MMD2: variants seen among roughly 807,000 people sequenced by gnomAD.
The protein encoded by MMD2 is monocyte to macrophage differentiation factor 2.
A neutral mutation model predicts 33.5 loss-of-function variants in MMD2; 30 were observed. That is an observed-to-expected ratio of 0.90 (90% CI 0.67 to 1.22). MMD2 has a LOEUF of 1.22. Among genes scored for constraint, MMD2 ranks in the 50% most tolerant of loss-of-function variants. MMD2 has a pLI of 0.00. For synonymous variants in MMD2, 129 were observed against 123.0 expected (o/e 1.05, Z -0.32); for missense variants, 364 against 325.4 (o/e 1.12, Z -0.91).
rs190128053 is a variant in MMD2, at chr7:4,917,896, T to G, written c.291-1817A>C. Among the ~76,000 whole-genome samples, 158 of 151,968 alleles carry G rather than the reference T, an allele frequency of 1.0e-3. 1 individual carries two copies. The highest frequency in any genetic ancestry group is 3.3e-3 in the African/African-American group (136 of 41,418). On this transcript the variant is annotated intron_variant, in intron 3 of 6. Coordinates refer to ENST00000401401, the MANE Select transcript of MMD2 (RefSeq NM_198403.4). ...CCCTCCCAAAACAAATAAGGTAAAC[T>G]CAGGGAACAAATAGGACATTGCAGA...
chr7:4,900,008 C>T, the MMD2 span, among the ~76,000 whole-genome samples: 10 of 152,178 alleles, frequency 6.6e-5, no homozygotes, highest in East Asian at 1.7e-3. Flanking sequence ...TCTCCACTGT[C>T]TGAGCAACCT....
chr7:4,934,371 T>G (rs1785679859), intron 1 of MMD2, among the ~76,000 whole-genome samples: 1 of 152,230 alleles, frequency 6.6e-6, no homozygotes, highest in Non-Finnish European at 1.5e-5. Flanking sequence ...CCCAGAGTGC[T>G]GGGTTACAGG....
At chr7:4,933,825 C>G (rs1032180376) in intron 1 of MMD2, among the ~76,000 whole-genome samples, 2 of 151,604 alleles carry the variant, frequency 1.3e-5, no homozygotes, top group Non-Finnish European at 2.9e-5. Flanking sequence ...TAGAGACAGG[C>G]TCTTGATATG....
intron 1 of MMD2, among the ~76,000 whole-genome samples, chr7:4,957,163 CAAAA>C (rs72291506): frequency 7.2e-6 from 1 of 138,364 alleles, no homozygotes; most frequent in African/African-American, 2.6e-5. Flanking sequence ...GAGACTGTCT[CAAAA>C]AAAAAAATAT....
At chr7:4,925,223 G>A (rs1033705854) in intron 2 of MMD2, among the ~76,000 whole-genome samples, 5 of 152,098 alleles carry the variant, frequency 3.3e-5, no homozygotes, top group Non-Finnish European at 5.9e-5. Context: ...GAGCCACCAT[G>A]CTCGGCCCCA....
Position 4,920,179 on chromosome 7 carries a change from G to A in MMD2, c.282C>T (p.Ser94=). The A allele has an allele frequency of 1.3e-6, 2 of 1,561,662 alleles. No individual in the cohort carries two copies. The highest frequency in any genetic ancestry group is 1.7e-6 in the Non-Finnish European group (2 of 1,153,372). Residue 94 remains serine, a synonymous_variant, in exon 3 of 7, where the codon AGC becomes AGT. Transcript: ENST00000401401. The stretch of plus-strand genomic sequence containing the variant: ...CTCTGGGCGGGAGGCACCTGAGGTG[G>A]CTCTTCTTCCAGGAGATGGTGTGAA... ...TVFHTISWKK[S]HLRMVEHCLH... is the part of the protein sequence containing the mutation.
Position 4,959,029 on chromosome 7 carries a change from C to T in MMD2, c.-12G>A. ...CGGGGGGCGAACATCGCGGCGCTTC[C>T]ATGGGAATCTGGCCCCGGGCTCAGA... On this transcript the variant is annotated 5_prime_UTR_variant, in exon 1 of 7. The change abolishes an upstream ATG in the 5' untranslated region. Coordinates refer to ENST00000401401, the MANE Select transcript of MMD2 (RefSeq NM_198403.4). 1 of 1,264,394 alleles carries T rather than the reference C, an allele frequency of 7.9e-7. No homozygotes were observed. The highest frequency in any genetic ancestry group is 1.0e-6 in the Non-Finnish European group (1 of 996,800). 78.3% of individuals were successfully genotyped at this position (1,264,394 alleles called of 1,614,324 possible). A position where few individuals can be genotyped will look rare whatever the true frequency, so the allele number is the denominator to read the frequency against.
intron 3 of MMD2, 22 bp from the exon 4 acceptor site, chr7:4,916,101 C>T: frequency 6.2e-7 from 1 of 1,611,422 alleles, no homozygotes; most frequent in Non-Finnish European, 8.5e-7. Flanking sequence ...GAGAAGCCGG[C>T]AGTCACAGCC....
downstream of MMD2, among the ~76,000 whole-genome samples, chr7:4,903,989 G>C (rs2074863374): frequency 6.6e-6 from 1 of 152,170 alleles, no homozygotes; most frequent in Admixed American, 6.5e-5. Flanking sequence ...CTGGAGTGCA[G>C]TGGTGCAATC....
intron 1 of MMD2, among the ~76,000 whole-genome samples, chr7:4,945,203 C>CTTCTTCTTCTTCTTCTTCTTCTTCTTCTT (rs1786032385): frequency 5.1e-5 from 7 of 138,454 alleles, no homozygotes; most frequent in African/African-American, 1.6e-4. Context: ...TCTTCTTCTT[C>CTTCTTCTTCTTCTTCTTCTTCTTCTTCTT]TTCTTCTTCT....
In MMD2 at chr7:4,915,921, A is replaced by T; in HGVS notation, c.365+84T>A. Reference sequence around the variant, plus strand: ...TAACTCCTTTGTGCCAAGTCAACACATTACCCAGCCAAATAGAAAAATAAA... The same window carrying T: ...TAACTCCTTTGTGCCAAGTCAACACTTTACCCAGCCAAATAGAAAAATAAA... On this transcript the variant is annotated intron_variant, in intron 4 of 6. Coordinates refer to ENST00000401401, the MANE Select transcript of MMD2 (RefSeq NM_198403.4). The T allele has an allele frequency of 3.5e-6, 5 of 1,412,398 alleles. No homozygotes were observed. The Admixed American group carries it at 5.6e-5, about 16-fold the overall frequency. The allele number at this position is 1,412,398 out of a possible 1,614,324, so 87.5% of individuals were successfully genotyped here.
At chr7:4,930,802 C>A (rs746144157) in intron 1 of MMD2, among the ~76,000 whole-genome samples, 2 of 152,108 alleles carry the variant, frequency 1.3e-5, no homozygotes, top group Non-Finnish European at 2.9e-5. Flanking sequence ...GTGATTCCAG[C>A]CCTCGGACAA....
chr7:4,894,558 G>A, the MMD2 span, among the ~76,000 whole-genome samples: 1 of 151,984 alleles, frequency 6.6e-6, no homozygotes, highest in Non-Finnish European at 1.5e-5. The surrounding 1 kb of genome is among the most constrained non-coding windows in gnomAD (Gnocchi z 4.3). Flanking sequence ...AATCACCCCA[G>A]GGCCAGGTAC....
At chr7:4,955,860 C>G (rs1179817070) in intron 1 of MMD2, among the ~76,000 whole-genome samples, 1 of 152,152 alleles carries the variant, frequency 6.6e-6, no homozygotes, top group Non-Finnish European at 1.5e-5. Context: ...CGAGACCAGC[C>G]TGGCCAATAT....
At chr7:4,924,064 C>T (rs561833781) in intron 2 of MMD2, among the ~76,000 whole-genome samples, 28 of 152,152 alleles carry the variant, frequency 1.8e-4, no homozygotes, top group Middle Eastern at 3.4e-3. Flanking sequence ...TGGTGGCGGG[C>T]GCCTGTAGTC....
chr7:4,893,889 T>C, the MMD2 span, among the ~76,000 whole-genome samples: 8 of 152,136 alleles, frequency 5.3e-5, no homozygotes, highest in Non-Finnish European at 1.2e-4. Flanking sequence ...TTATAATTAG[T>C]GTAAGCATTG....
chr7:4,935,429 A>G (rs1448170966), intron 1 of MMD2, among the ~76,000 whole-genome samples: 1 of 152,068 alleles, frequency 6.6e-6, no homozygotes, highest in Non-Finnish European at 1.5e-5. Flanking sequence ...AAGCCTGGAT[A>G]TTGGCATGCT....
the MMD2 span, among the ~76,000 whole-genome samples, chr7:4,895,971 C>T: frequency 3.9e-5 from 6 of 152,260 alleles, no homozygotes; most frequent in East Asian, 7.7e-4. Flanking sequence ...CTCCTGCCCA[C>T]GTTTTCCCAT....
intron 1 of MMD2, among the ~76,000 whole-genome samples, chr7:4,945,588 C>T (rs995199159): frequency 4.7e-5 from 7 of 148,828 alleles, no homozygotes; most frequent in South Asian, 2.1e-4. Flanking sequence ...TTCTCCCTTC[C>T]TTTCCTTTGG....
Sources: allele counts gnomAD v4.1 joint callset (sites outside exome capture counted in the v4.1 genomes callset), GRCh38; gene constraint gnomAD v4.1.1; non-coding constraint Gnocchi (gnomAD v3.1); transcripts MANE v1.5; gene names NCBI Gene and HGNC (gene_info 2026-07-23, HGNC 2026-07-21).